Variants in TNRC6B observed in about 807,000 individuals in gnomAD.
The protein encoded by TNRC6B is trinucleotide repeat containing adaptor 6B, also known as trinucleotide repeat-containing gene 6B protein.
Under a neutral mutation model 203.6 loss-of-function variants are expected in TNRC6B, and 52 were observed. The ratio of observed to expected loss-of-function variants is 0.26; its 90% CI spans 0.20 to 0.32. The LOEUF (loss-of-function observed/expected upper bound fraction) is 0.32. TNRC6B is among the 10% of genes least tolerant of loss of function. The probability of loss-of-function intolerance (pLI) is 1.00; values close to 1 mark genes in which losing one functional copy is unlikely to be tolerated. For synonymous variants in TNRC6B, 838 were observed against 845.7 expected, an observed-to-expected ratio of 0.99 and a Z score of 0.16; for missense variants, 1,923 against 2,286.2, an observed-to-expected ratio of 0.84 and a Z score of 3.24.
At chr22:40,049,678 G>C (rs866262644) in intron 1 of TNRC6B, among the ~76,000 whole-genome samples, 3 of 151,038 alleles carry the variant, frequency 2.0e-5, no homozygotes, top group African/African-American at 7.3e-5. Context: ...ATTTTGGCTC[G>C]CTGCAACTTC....
chr22:40,322,722 A>T lies in TNRC6B; in HGVS notation c.5115-132A>T, dbSNP rs1015027834. The T allele has an allele frequency of 7.1e-5, 78 of 1,093,982 alleles. 1 individual carries two copies. The Middle Eastern group carries it at 1.4e-3, about 20-fold the overall frequency. The allele number at this position is 1,093,982 out of a possible 1,614,324, so 67.8% of individuals were successfully genotyped here. On this transcript the variant is annotated intron_variant, in intron 22 of 22. Coordinates refer to ENST00000454349, the MANE Select transcript of TNRC6B (RefSeq NM_001162501.2). ...GGGTGGAGCTTGGACTTTGCATTCT[A>T]AAAAGCGTTCATGGATATGGCAGCT...
At chr22:40,255,466 TTAAA>T (rs2070259432) in intron 3 of TNRC6B, among the ~76,000 whole-genome samples, 1 of 152,276 alleles carries the variant, frequency 6.6e-6, no homozygotes, top group Non-Finnish European at 1.5e-5. Flanking sequence ...GTCCCCTCCA[TTAAA>T]TAATTTATAA....
intron 6 of TNRC6B, among the ~76,000 whole-genome samples, chr22:40,272,263 A>G (rs928020694): frequency 2.0e-5 from 3 of 152,178 alleles, no homozygotes; most frequent in Non-Finnish European, 4.4e-5. Context: ...TGTGGCTACA[A>G]TGAACCCCAC....
At chr22:40,069,517 C>A (rs1340618512) in intron 1 of TNRC6B, among the ~76,000 whole-genome samples, 1 of 139,658 alleles carries the variant, frequency 7.2e-6, no homozygotes, top group Non-Finnish European at 1.5e-5. Flanking sequence ...GATGGAGTTT[C>A]GCTCTCATTG....
At chr22:40,193,529 G>GC (rs2146396628) in intron 1 of TNRC6B, among the ~76,000 whole-genome samples, 1 of 152,272 alleles carries the variant, frequency 6.6e-6, no homozygotes, top group African/African-American at 2.4e-5. Flanking sequence ...GTGAGGATGA[G>GC]CTCTACCTCC....
rs192239190 is a variant in TNRC6B, at chr22:40,280,088, G to A, written c.3356G>A (p.Arg1119His). Residue 1119 changes from arginine to histidine, a missense_variant, in exon 10 of 23, where the codon CGT (arginine) becomes CAT (histidine). Coordinates refer to ENST00000454349, the MANE Select transcript of TNRC6B (RefSeq NM_001162501.2). Reference protein sequence around the residue: ...DIMRKDRSGFRPPNSKDMGTT... With the variant: ...DIMRKDRSGFHPPNSKDMGTT... Reference sequence around the variant, plus strand: ...ATGAGGAAGGATCGATCTGGGTTCCGTCCACCTAATTCCAAAGACATGGGA... The same window carrying A: ...ATGAGGAAGGATCGATCTGGGTTCCATCCACCTAATTCCAAAGACATGGGA... The A allele has an allele frequency of 2.3e-5, 37 of 1,613,754 alleles. No homozygotes were observed. The highest frequency in any genetic ancestry group is 2.7e-5 in the Non-Finnish European group (32 of 1,179,720).
At chr22:40,228,705 T>C (rs1225001058) in intron 1 of TNRC6B, among the ~76,000 whole-genome samples, 1 of 151,452 alleles carries the variant, frequency 6.6e-6, no homozygotes, top group African/African-American at 2.4e-5. Flanking sequence ...ATTTTTTTTT[T>C]AGTAGGGACG....
At chr22:40,065,053 A>C (rs1312818179) in intron 1 of TNRC6B, among the ~76,000 whole-genome samples, 1 of 151,584 alleles carries the variant, frequency 6.6e-6, no homozygotes, top group African/African-American at 2.4e-5. Context: ...GTCTTTTTCT[A>C]ATGAGGGTAA....
intron 1 of TNRC6B, among the ~76,000 whole-genome samples, chr22:40,219,944 AGCGTG>A (rs2069685500): frequency 6.6e-6 from 1 of 152,338 alleles, no homozygotes; most frequent in South Asian, 2.1e-4. Flanking sequence ...CCCAGAACAA[AGCGTG>A]GCCTATGGAG....
At chr22:40,088,183 A>T (rs1264907519) in intron 1 of TNRC6B, among the ~76,000 whole-genome samples, 2 of 152,102 alleles carry the variant, frequency 1.3e-5, no homozygotes, top group African/African-American at 4.8e-5. Context: ...GCGACCTTAT[A>T]AGGTGGATAT....
chr22:40,235,350 A>G (rs2069933475), intron 1 of TNRC6B, among the ~76,000 whole-genome samples: 1 of 152,158 alleles, frequency 6.6e-6, no homozygotes, highest in Non-Finnish European at 1.5e-5. Flanking sequence ...GCACCACACC[A>G]TGGAACTGGG....
At chr22:40,195,554 G>C (rs770010807) in intron 1 of TNRC6B, among the ~76,000 whole-genome samples, 1 of 151,108 alleles carries the variant, frequency 6.6e-6, no homozygotes, top group Non-Finnish European at 1.5e-5. Context: ...CCTCAAACTG[G>C]AGCCAAACAA....
At chr22:40,049,834 C>T (rs1185455700) in intron 1 of TNRC6B, among the ~76,000 whole-genome samples, 2 of 152,038 alleles carry the variant, frequency 1.3e-5, no homozygotes, top group Non-Finnish European at 2.9e-5. Flanking sequence ...GAACTCCTGA[C>T]CTCAGGTGAT....
At chr22:40,264,305 C>G (rs183565147) in intron 4 of TNRC6B, among the ~76,000 whole-genome samples, 1 of 152,208 alleles carries the variant, frequency 6.6e-6, no homozygotes, top group African/African-American at 2.4e-5. Flanking sequence ...TGAAGGTTCT[C>G]CATACAGCAG....
At chr22:40,077,951 T>C (rs748117410) in intron 1 of TNRC6B, among the ~76,000 whole-genome samples, 1 of 152,238 alleles carries the variant, frequency 6.6e-6, no homozygotes, top group Non-Finnish European at 1.5e-5. Flanking sequence ...CTCATACTGG[T>C]TGTAGCTTAT....
chr22:40,172,833 T>TA (rs2069015319), intron 4 of TNRC6B, among the ~76,000 whole-genome samples: 1 of 152,236 alleles, frequency 6.6e-6, no homozygotes, highest in South Asian at 2.1e-4. Context: ...TTGAAGATCT[T>TA]AGAGATTTCT....
chr22:40,184,218 C>A (rs1006128553), intron 1 of TNRC6B, among the ~76,000 whole-genome samples: 2 of 152,128 alleles, frequency 1.3e-5, no homozygotes, highest in African/African-American at 2.4e-5. Context: ...ACAAGCCTAG[C>A]AGTAGTGTGA....
chr22:40,228,163 C>A (rs1425346136), intron 1 of TNRC6B, among the ~76,000 whole-genome samples: 1 of 152,098 alleles, frequency 6.6e-6, no homozygotes, highest in African/African-American at 2.4e-5. Context: ...AGTGGTGGCT[C>A]ATGCCTGTAA....
At chr22:40,313,287 C>CT (rs1830870686) in intron 19 of TNRC6B, among the ~76,000 whole-genome samples, 1 of 152,164 alleles carries the variant, frequency 6.6e-6, no homozygotes, top group Admixed American at 6.5e-5. Context: ...ACATGCTTCT[C>CT]TTTTAACAAG....
Sources: allele counts gnomAD v4.1 joint callset (sites outside exome capture counted in the v4.1 genomes callset), GRCh38; gene constraint gnomAD v4.1.1; transcripts MANE v1.5; gene names NCBI Gene and HGNC (gene_info 2026-07-23, HGNC 2026-07-21).